The following ANXA7 variants were observed in gnomAD, a reference collection of about 807,000 sequenced individuals.
ANXA7 encodes annexin A7.
In ANXA7, 55 loss-of-function variants were observed where a neutral mutation model predicts 64.9. The ratio of observed to expected loss-of-function variants is 0.85; its 90% CI spans 0.68 to 1.06. The LOEUF is 1.06. Among genes scored for constraint, ANXA7 ranks in the 50% least tolerant of loss-of-function variants. The probability of loss-of-function intolerance (pLI) is 0.00; values close to 1 mark genes in which losing one functional copy is unlikely to be tolerated. For synonymous variants in ANXA7, 200 were observed against 192.4 expected (o/e 1.04, Z -0.33); for missense variants, 548 against 582.1 (o/e 0.94, Z 0.60).
intron 1 of ANXA7, among the ~76,000 whole-genome samples, chr10:73,413,787 G>A (rs2055880850): frequency 6.6e-6 from 1 of 152,194 alleles, no homozygotes; most frequent in Admixed American, 6.5e-5. Flanking sequence ...ACGGACGGAA[G>A]GGCTTCCCGT....
chr10:73,376,009 G>C lies in ANXA7; in HGVS notation c.*86C>G. Reference sequence around the variant, plus strand: ...CAGAAAGCTCTTTCGGTTAGCTGATGTTTGATATTGCTGCATGCAGGTCAT... The same window carrying C: ...CAGAAAGCTCTTTCGGTTAGCTGATCTTTGATATTGCTGCATGCAGGTCAT... On this transcript the variant is annotated 3_prime_UTR_variant, in exon 13 of 13. Transcript: ENST00000372921. 1 of 1,180,616 alleles carries C rather than the reference G, an allele frequency of 8.5e-7. No homozygotes were observed. Among genetic ancestry groups the C allele is most frequent in the Non-Finnish European group, 1.1e-6 (1 of 875,594 alleles). 73.1% of individuals were successfully genotyped at this position (1,180,616 alleles called of 1,614,324 possible). A position where few individuals can be genotyped will look rare whatever the true frequency, so the allele number is the denominator to read the frequency against.
chr10:73,397,721 G>A (rs1836618703), intron 3 of ANXA7, among the ~76,000 whole-genome samples: 1 of 152,130 alleles, frequency 6.6e-6, no homozygotes, highest in South Asian at 2.1e-4. Context: ...ACCTCCCAAA[G>A]TGTCGGGATT....
chr10:73,404,503 C>T lies in ANXA7; in HGVS notation c.-1-3646G>A, dbSNP rs539390914. 3.9e-5 allele frequency among the ~76,000 whole-genome samples: 6 copies of T among 152,060 alleles called. No homozygotes were observed. In the South Asian group the frequency reaches 6.2e-4, roughly 16 times the overall value. ...TTAAGTATTTACAAACAAAACGATACGATGTCAGGGATTATGCCAAAATAA... is the reference window on the plus strand; with the variant it reads ...TTAAGTATTTACAAACAAAACGATATGATGTCAGGGATTATGCCAAAATAA... On this transcript the variant is annotated intron_variant, in intron 1 of 12. Coordinates refer to ENST00000372921, the MANE Select transcript of ANXA7 (RefSeq NM_001156.5).
rs1167001054 is a variant in ANXA7 at position 73,375,834 on chromosome 10, A to C, written c.*261T>G. 4.1e-6 allele frequency: 1 copy of C among 242,992 alleles called. No homozygotes were observed. Among genetic ancestry groups the C allele is most frequent in the East Asian group, 8.2e-5 (1 of 12,158 alleles). 15.1% of individuals were successfully genotyped at this position (242,992 alleles called of 1,614,324 possible). A position where few individuals can be genotyped will look rare whatever the true frequency, so the allele number is the denominator to read the frequency against. On this transcript the variant is annotated 3_prime_UTR_variant, in exon 13 of 13. Coordinates refer to ENST00000372921, the MANE Select transcript of ANXA7 (RefSeq NM_001156.5). ...TTGACATCTTGATTAGAATGAAACT[A>C]GTAAGAATGAAGGTTTACAAACATT...
At chr10:73,412,484 T>G (rs1014817789) in intron 1 of ANXA7, among the ~76,000 whole-genome samples, 4 of 151,566 alleles carry the variant, frequency 2.6e-5, no homozygotes, top group Non-Finnish European at 4.4e-5. Flanking sequence ...GAATAGTAAG[T>G]CTAGAGTTTT....
chr10:73,383,372 C>T, intron 8 of ANXA7, 27 bp from the exon 9 acceptor site: 1 of 1,572,182 alleles, frequency 6.4e-7, no homozygotes, highest in Non-Finnish European at 8.6e-7. Flanking sequence ...GAAGATTATA[C>T]AAAGAAAAAT....
At chr10:73,377,247 T>G (rs2132645844) in intron 12 of ANXA7, among the ~76,000 whole-genome samples, 1 of 152,268 alleles carries the variant, frequency 6.6e-6, no homozygotes, top group Admixed American at 6.5e-5. Context: ...GTTGTTTTCT[T>G]TAAAAATAAT....
At chr10:73,400,053 G>C (rs556632532) in intron 2 of ANXA7, among the ~76,000 whole-genome samples, 2 of 151,130 alleles carry the variant, frequency 1.3e-5, no homozygotes, top group East Asian at 2.0e-4. Flanking sequence ...TGAGGCAGGA[G>C]AATCACTTGA....
chr10:73,391,993 C>T lies in ANXA7; in HGVS notation c.436-3579G>A, dbSNP rs541806204. Among the ~76,000 whole-genome samples, 8 of 151,998 alleles carry T rather than the reference C, an allele frequency of 5.3e-5. No homozygotes were observed. In the South Asian group the frequency reaches 8.3e-4, roughly 16 times the overall value. The stretch of plus-strand genomic sequence containing the variant: ...AGGAAAAAGAGAAGAATTAAATAGA[C>T]GCAATAAAAAATGATAAAGGGGATA... On this transcript the variant is annotated intron_variant, in intron 5 of 12. Transcript: ENST00000372921.
At chr10:73,405,760 T>C (rs1257850784) in intron 1 of ANXA7, among the ~76,000 whole-genome samples, 6 of 152,134 alleles carry the variant, frequency 3.9e-5, no homozygotes, top group Admixed American at 6.6e-5. Flanking sequence ...AGGTGAGACG[T>C]AACTGTGAGA....
chr10:73,398,518 C>G (rs1489729456), intron 2 of ANXA7, 133 bp from the exon 3 acceptor site: 1 of 797,374 alleles, frequency 1.3e-6, no homozygotes, highest in Non-Finnish European at 1.9e-6. Flanking sequence ...CATTAGAAAT[C>G]CTGGTATCTT....
At chr10:73,381,813 T>C (rs899719432) in intron 9 of ANXA7, among the ~76,000 whole-genome samples, 1 of 151,668 alleles carries the variant, frequency 6.6e-6, no homozygotes, top group African/African-American at 2.4e-5. Context: ...TTAGGTAAAT[T>C]CAATTTCCTT....
chr10:73,391,879 C>T (rs932746545), intron 5 of ANXA7, among the ~76,000 whole-genome samples: 27 of 152,298 alleles, frequency 1.8e-4, no homozygotes, highest in African/African-American at 6.5e-4. Context: ...TAACACTCTG[C>T]ATTCTGTTAA....
In ANXA7 at chr10:73,397,236, C is replaced by T. The variant is rs541881730; in HGVS notation, c.298G>A (p.Ala100Thr). Reference sequence around the variant, plus strand: ...GGCTGTGGATACCCAGAAAAGCCTGCTCCACCTGGTGGGACTCCAAATCCT... The same window carrying T: ...GGCTGTGGATACCCAGAAAAGCCTGTTCCACCTGGTGGGACTCCAAATCCT... ...GQGFGVPPGG[A>T]GFSGYPQPPS... is the part of the protein sequence containing the mutation. Residue 100 changes from alanine (A) to threonine (T), a missense_variant, in exon 4 of 13, where the codon GCA becomes ACA. Coordinates refer to ENST00000372921, the MANE Select transcript of ANXA7 (RefSeq NM_001156.5). 6.2e-7 allele frequency: 1 copy of T among 1,612,660 alleles called. No homozygotes were observed. The highest frequency in any genetic ancestry group is 8.5e-7 in the Non-Finnish European group (1 of 1,179,156).
At chr10:73,394,246 C>CT (rs2055533925) in intron 5 of ANXA7, among the ~76,000 whole-genome samples, 1 of 152,216 alleles carries the variant, frequency 6.6e-6, no homozygotes, top group Non-Finnish European at 1.5e-5. Context: ...AATAGGAACA[C>CT]TTTTACACTG....
chr10:73,378,100 C>A (rs1296660606), intron 12 of ANXA7, among the ~76,000 whole-genome samples: 7 of 151,228 alleles, frequency 4.6e-5, no homozygotes, highest in African/African-American at 1.7e-4. Flanking sequence ...TCAGGCCAGG[C>A]GTGGTGGCTC....
Position 73,383,283 on chromosome 10 carries a change from G to A in ANXA7, c.810C>T (p.Ile270=), listed in dbSNP as rs139287762. 3.8e-5 allele frequency: 62 copies of A among 1,614,012 alleles called. No individual in the cohort carries two copies. In the African/African-American group the frequency reaches 7.7e-4, roughly 20 times the overall value. ...ACTGATAACATCTGACAATTTCTCGGATTTCCTGATTTGTTCTTGTGCACA... is the reference window on the plus strand; with the variant it reads ...ACTGATAACATCTGACAATTTCTCGAATTTCCTGATTTGTTCTTGTGCACA... ...EILCTRTNQE[I]REIVRCYQSE... is the part of the protein sequence containing the mutation. Residue 270 remains isoleucine (I), a synonymous_variant, in exon 9 of 13, where the codon ATC becomes ATT. Transcript: ENST00000372921.
At chr10:73,399,166 A>C (rs1269050662) in intron 2 of ANXA7, among the ~76,000 whole-genome samples, 2 of 152,208 alleles carry the variant, frequency 1.3e-5, no homozygotes, top group African/African-American at 4.8e-5. Context: ...GATCAGAATA[A>C]GGAAGGAGCC....
intron 4 of ANXA7, 72 bp from the exon 5 acceptor site, chr10:73,396,655 G>C (rs2055581118): frequency 1.2e-6 from 1 of 860,656 alleles, no homozygotes; most frequent in Admixed American, 2.4e-5. Flanking sequence ...AAACAGCATT[G>C]ATGACTATGA....
Sources: gnomAD v4.1 joint callset for allele counts (sites outside exome capture counted in the v4.1 genomes callset) on GRCh38, gnomAD v4.1.1 for gene constraint, MANE v1.5 for transcripts, NCBI Gene and HGNC (gene_info 2026-07-23, HGNC 2026-07-21) for gene names.